Variants in SDK1 observed in about 807,000 individuals in gnomAD.
SDK1 encodes protein sidekick-1.
Under a neutral mutation model 245.5 loss-of-function variants are expected in SDK1, and 157 were observed. That is an observed-to-expected ratio of 0.64 (90% CI 0.56 to 0.73). SDK1 has a LOEUF of 0.73. Ranked by LOEUF, SDK1 falls within the 30% of genes least tolerant of loss-of-function variation. The probability of loss-of-function intolerance (pLI) is 0.00; values close to 1 mark genes in which losing one functional copy is unlikely to be tolerated. For missense variants in SDK1, 3,583 were observed against 3,002.3 expected, an observed-to-expected ratio of 1.19 and a Z score of -4.52; for synonymous variants, 1,647 against 1,278.5, an observed-to-expected ratio of 1.29 and a Z score of -6.15.
rs566179441 is a variant in SDK1 at position 3,992,807 on chromosome 7, T to C, written c.2131+5485T>C. On this transcript the variant is annotated intron_variant, in intron 14 of 44. Transcript: ENST00000404826. ...CTTTCCATCGTCTTTGGGCTACTTATCTCTGTAAATTGTAGAAATCTTATA... is the reference window on the plus strand; with the variant it reads ...CTTTCCATCGTCTTTGGGCTACTTACCTCTGTAAATTGTAGAAATCTTATA... 1.5e-4 allele frequency among the ~76,000 whole-genome samples: 23 copies of C among 152,298 alleles called. No homozygotes were observed. In the South Asian group the frequency reaches 2.9e-3, roughly 19 times the overall value.
intron 1 of SDK1, among the ~76,000 whole-genome samples, chr7:3,479,299 G>T (rs1440505411): frequency 6.6e-6 from 1 of 151,568 alleles, no homozygotes; most frequent in Non-Finnish European, 1.5e-5. Flanking sequence ...GTGTGTGCCT[G>T]TAGTCCCAGC....
intron 5 of SDK1, among the ~76,000 whole-genome samples, chr7:3,948,845 C>A (rs1191750069): frequency 6.6e-6 from 1 of 152,250 alleles, no homozygotes; most frequent in African/African-American, 2.4e-5. Flanking sequence ...TCATCTGCCA[C>A]CGTGGCTGAG....
chr7:3,393,857 A>G (rs1781824156), intron 1 of SDK1, among the ~76,000 whole-genome samples: 1 of 152,042 alleles, frequency 6.6e-6, no homozygotes, highest in Non-Finnish European at 1.5e-5. Context: ...TATTTAGTTC[A>G]GTTTGTGAGG....
At chr7:3,495,511 A>C (rs1053644607) in intron 1 of SDK1, among the ~76,000 whole-genome samples, 4 of 152,116 alleles carry the variant, frequency 2.6e-5, no homozygotes, top group Non-Finnish European at 5.9e-5. Context: ...CTCCCGCCTC[A>C]GCCTCCCAAA....
chr7:3,565,232 C>A (rs1208057517), intron 1 of SDK1, among the ~76,000 whole-genome samples: 2 of 152,038 alleles, frequency 1.3e-5, no homozygotes, highest in African/African-American at 4.8e-5. Flanking sequence ...CTCTACTTCA[C>A]CTCCCTCTTC....
At chr7:3,868,733 A>T (rs1033061523) in intron 5 of SDK1, among the ~76,000 whole-genome samples, 1 of 152,142 alleles carries the variant, frequency 6.6e-6, no homozygotes, top group African/African-American at 2.4e-5. Context: ...GTCTTCATAA[A>T]CCAAGGGCAC....
chr7:3,576,179 G>C (rs1780284393), intron 1 of SDK1, among the ~76,000 whole-genome samples: 1 of 152,096 alleles, frequency 6.6e-6, no homozygotes, highest in South Asian at 2.1e-4. Flanking sequence ...GATCTCTTAA[G>C]GGATATTATA....
intron 12 of SDK1, 139 bp from the exon 13 acceptor site, chr7:3,974,230 T>G: frequency 1.9e-6 from 1 of 536,000 alleles, no homozygotes; most frequent in Non-Finnish European, 3.2e-6. Flanking sequence ...GAAAAATCAC[T>G]CTTTTAAAGA....
At chr7:4,135,525 GC>G (rs1779016367) in intron 28 of SDK1, among the ~76,000 whole-genome samples, 1 of 152,206 alleles carries the variant, frequency 6.6e-6, no homozygotes, top group African/African-American at 2.4e-5. Context: ...GAACCTTGGG[GC>G]TGCCTGCTTT....
intron 4 of SDK1, among the ~76,000 whole-genome samples, chr7:3,655,477 A>ATATATATATATATATATATATATG (rs1783144905): frequency 1.1e-5 from 1 of 88,200 alleles, no homozygotes; most frequent in African/African-American, 5.0e-5. Context: ...ATATATATAT[A>ATATATATATATATATATATATATG]TATATATATA....
intron 4 of SDK1, among the ~76,000 whole-genome samples, chr7:3,720,253 G>A (rs6972186): frequency 2.6e-5 from 4 of 151,688 alleles, no homozygotes; most frequent in Non-Finnish European, 4.4e-5. Flanking sequence ...GAGACTCTGT[G>A]TCAAAAAACA....
At chr7:3,975,492 A>G (rs991352765) in intron 13 of SDK1, among the ~76,000 whole-genome samples, 1 of 152,230 alleles carries the variant, frequency 6.6e-6, no homozygotes, top group Non-Finnish European at 1.5e-5. Flanking sequence ...TAGAATTTGA[A>G]CACTCCGAGT....
chr7:4,025,964 T>C (rs1373686030), intron 17 of SDK1, among the ~76,000 whole-genome samples: 2 of 152,106 alleles, frequency 1.3e-5, no homozygotes, highest in Admixed American at 6.6e-5. Context: ...GCAGAATCTT[T>C]CCTCCTCCCC....
intron 14 of SDK1, among the ~76,000 whole-genome samples, chr7:3,994,641 CAAAA>C (rs58677753): frequency 7.9e-5 from 7 of 89,074 alleles, no homozygotes; most frequent in East Asian, 4.5e-4. Context: ...GACTTCATCT[CAAAA>C]AAAAAAAAAA....
intron 1 of SDK1, among the ~76,000 whole-genome samples, chr7:3,468,225 A>G (rs1418379907): frequency 6.6e-6 from 1 of 152,166 alleles, no homozygotes; most frequent in Non-Finnish European, 1.5e-5. Flanking sequence ...TTTTACTACT[A>G]ATGAAATGTG....
At chr7:3,903,830 T>G (rs1277295101) in intron 5 of SDK1, among the ~76,000 whole-genome samples, 1 of 152,136 alleles carries the variant, frequency 6.6e-6, no homozygotes, top group African/African-American at 2.4e-5. Flanking sequence ...ATGAACAGAT[T>G]AGTACTCTCC....
chr7:3,475,942 C>T (rs990389320), intron 1 of SDK1: 15 of 152,712 alleles, frequency 9.8e-5, no homozygotes, highest in African/African-American at 3.6e-4. Context: ...ATTCTGTTAG[C>T]ATTTAGTAGC....
At chr7:3,563,326 C>T (rs964467957) in intron 1 of SDK1, among the ~76,000 whole-genome samples, 2 of 152,106 alleles carry the variant, frequency 1.3e-5, no homozygotes, top group African/African-American at 2.4e-5. Flanking sequence ...GATGTATTCT[C>T]AGATGGGGCG....
chr7:3,393,866 GGTC>G (rs1781824408), intron 1 of SDK1, among the ~76,000 whole-genome samples: 1 of 152,094 alleles, frequency 6.6e-6, no homozygotes, highest in African/African-American at 2.4e-5. Flanking sequence ...CAGTTTGTGA[GGTC>G]GTGTTTTCCC....
Sources: gnomAD v4.1 joint callset for allele counts (sites outside exome capture counted in the v4.1 genomes callset) on GRCh38, gnomAD v4.1.1 for gene constraint, MANE v1.5 for transcripts, NCBI Gene and HGNC (gene_info 2026-07-23, HGNC 2026-07-21) for gene names.